Variants in RSRP1 observed in about 807,000 individuals in gnomAD.
RSRP1 encodes the protein arginine/serine-rich protein 1.
In RSRP1, 37 loss-of-function variants were observed where a neutral mutation model predicts 33.0. That is an observed-to-expected ratio of 1.12 (90% CI 0.86 to 1.48). The LOEUF (loss-of-function observed/expected upper bound fraction) is 1.48, where lower values mean the gene tolerates loss of function less well. Ranked by LOEUF, RSRP1 falls within the 40% of genes most tolerant of loss-of-function variation. The pLI is 0.00. For synonymous variants in RSRP1, 167 were observed against 158.7 expected, an observed-to-expected ratio of 1.05 and a Z score of -0.40; for missense variants, 402 against 385.3, an observed-to-expected ratio of 1.04 and a Z score of -0.36.
rs200048219 is a variant in RSRP1, at chr1:25,301,522, G to A, written c.-67+36456C>T. The A allele has an allele frequency of 4.5e-5, 62 of 1,377,970 alleles. 21 individuals carry two copies. Among genetic ancestry groups the A allele is most frequent in the Non-Finnish European group, 5.8e-5 (57 of 978,522 alleles). The allele number at this position is 1,377,970 out of a possible 1,614,324, so 85.4% of individuals were successfully genotyped here. ...CAACCACCCTCTCTGGCCCCCAGGC[G>A]CCCTCTTCTTGTGGATGTTCTGGCC... On this transcript the variant is annotated intron_variant, in intron 1 of 1. Coordinates refer to the RSRP1 transcript ENST00000561867.
rs991344044 is a variant in RSRP1 at position 25,273,095 on chromosome 1, T to C, written c.-66-26066A>G. On this transcript the variant is annotated intron_variant, in intron 1 of 1. Coordinates refer to the RSRP1 transcript ENST00000561867. Reference sequence around the variant, plus strand: ...ATCTTATGCAAGCAATTTCATGTTGTTGGGTTTTTGGTTTTTGTTTCCTTT... The same window carrying C: ...ATCTTATGCAAGCAATTTCATGTTGCTGGGTTTTTGGTTTTTGTTTCCTTT... Among the ~76,000 whole-genome samples, 2 of 131,012 alleles carry C rather than the reference T, an allele frequency of 1.5e-5. 1 individual carries two copies. Among genetic ancestry groups the C allele is most frequent in the African/African-American group, 5.2e-5 (2 of 38,336 alleles). The allele number at this position is 131,012 out of a possible 152,430, so 85.9% of individuals were successfully genotyped here. A position where few individuals can be genotyped will look rare whatever the true frequency, so the allele number is the denominator to read the frequency against.
rs1288623067 is a variant in RSRP1 at position 25,312,849 on chromosome 1, G to A, written c.-67+25129C>T. Reference sequence around the variant, plus strand: ...ACAGGAGGATTACTTGAGCCAAGGAGTTTGAGGCTGCAGTGAGCTATGATC... The same window carrying A: ...ACAGGAGGATTACTTGAGCCAAGGAATTTGAGGCTGCAGTGAGCTATGATC... On this transcript the variant is annotated intron_variant, in intron 1 of 1. Transcript: ENST00000561867. Among the ~76,000 whole-genome samples the A allele has an allele frequency of 6.6e-5, 7 of 106,064 alleles. 1 individual carries two copies. In the South Asian group the frequency reaches 1.5e-3, roughly 23 times the overall value. 69.6% of individuals were successfully genotyped at this position (106,064 alleles called of 152,430 possible). A position where few individuals can be genotyped will look rare whatever the true frequency, so the allele number is the denominator to read the frequency against.
Position 25,274,655 on chromosome 1 carries a change from A to G in RSRP1, c.-66-27626T>C, listed in dbSNP as rs1374353590. Among the ~76,000 whole-genome samples the G allele has an allele frequency of 1.5e-5, 2 of 133,406 alleles. 1 individual carries two copies. The highest frequency in any genetic ancestry group is 3.6e-5 in the Non-Finnish European group (2 of 56,124). The allele number at this position is 133,406 out of a possible 152,430, so 87.5% of individuals were successfully genotyped here. On this transcript the variant is annotated intron_variant, in intron 1 of 1. Transcript: ENST00000561867. The stretch of plus-strand genomic sequence containing the variant: ...GGGCACAGTGGGTGCCATGGCGTGC[A>G]CACACAATAGAGCAGACTGAGCCTG...
At chr1:25,270,259 C>G (rs1385110622) in intron 1 of RSRP1, among the ~76,000 whole-genome samples, 2 of 130,334 alleles carry the variant, frequency 1.5e-5, no homozygotes, top group East Asian at 2.0e-4. Context: ...CTTAGAAGCC[C>G]ATGTTCCTAG....
At chr1:25,276,741 G>T (rs1258712715) in intron 1 of RSRP1, among the ~76,000 whole-genome samples, 5 of 129,348 alleles carry the variant, frequency 3.9e-5, no homozygotes, top group Admixed American at 3.8e-4. Flanking sequence ...TTGAGGTGAA[G>T]CGAGGCTGTA....
chr1:25,276,525 C>A (rs1461896088), intron 1 of RSRP1, among the ~76,000 whole-genome samples: 1 of 50,630 alleles, frequency 2.0e-5, no homozygotes, highest in African/African-American at 8.3e-5. Flanking sequence ...AGACCCCCCC[C>A]CATCTCTAAA....
chr1:25,300,691 C>A lies in RSRP1; in HGVS notation c.-67+37287G>T, dbSNP rs1198823100. Reference sequence around the variant, plus strand: ...CAGCGTAGTGGCGCATGCCTGTAATCCCAGCTACTAGGGAAGCTGAGGCAG... The same window carrying A: ...CAGCGTAGTGGCGCATGCCTGTAATACCAGCTACTAGGGAAGCTGAGGCAG... On this transcript the variant is annotated intron_variant, in intron 1 of 1. Transcript: ENST00000561867. 1.5e-5 allele frequency among the ~76,000 whole-genome samples: 2 copies of A among 131,494 alleles called. 1 individual carries two copies. Among genetic ancestry groups the A allele is most frequent in the Non-Finnish European group, 3.6e-5 (2 of 55,762 alleles). The allele number at this position is 131,494 out of a possible 152,430, so 86.3% of individuals were successfully genotyped here.
rs1372176546 is a variant in RSRP1 at position 25,290,848 on chromosome 1, G to C, written c.-66-43819C>G. On this transcript the variant is annotated intron_variant, in intron 1 of 1. Coordinates refer to the RSRP1 transcript ENST00000561867. ...GAGAAAAGGGCCAAAAGCTCCATTT[G>C]GTGGGGTTTCCAGGGTTTTGAAAAA... The C allele has an allele frequency of 6.7e-6, 9 of 1,352,578 alleles. 3 individuals carry two copies. The highest frequency in any genetic ancestry group is 9.4e-6 in the Non-Finnish European group (9 of 955,868). 83.8% of individuals were successfully genotyped at this position (1,352,578 alleles called of 1,614,324 possible).
At chr1:25,330,994 C>T (rs1320079367) in intron 1 of RSRP1, among the ~76,000 whole-genome samples, 2 of 89,916 alleles carry the variant, frequency 2.2e-5, no homozygotes, top group South Asian at 3.8e-4. Flanking sequence ...GACAGAGTCT[C>T]GCTCTATCGC....
intron 1 of RSRP1, among the ~76,000 whole-genome samples, chr1:25,310,552 A>C (rs1644088061): frequency 7.6e-6 from 1 of 131,762 alleles, no homozygotes; most frequent in African/African-American, 2.6e-5. Context: ...AAAGAAAATT[A>C]ATGCAAGAAG....
intron 1 of RSRP1, among the ~76,000 whole-genome samples, chr1:25,270,373 C>A (rs1286695426): frequency 7.7e-6 from 1 of 130,494 alleles, no homozygotes; most frequent in Admixed American, 7.4e-5. Context: ...GAGGGATAGG[C>A]CAGCGAGCAC....
Position 25,314,139 on chromosome 1 carries a change from G to C in RSRP1, c.-67+23839C>G, listed in dbSNP as rs1644305121. The stretch of plus-strand genomic sequence containing the variant: ...TGTTGAATTATACAGTATTCACACA[G>C]TCAGCTTTAGTGGCTACTGCTAAAC... On this transcript the variant is annotated intron_variant, in intron 1 of 1. Coordinates refer to the RSRP1 transcript ENST00000561867. Among the ~76,000 whole-genome samples, 4 of 133,034 alleles carry C rather than the reference G, an allele frequency of 3.0e-5. 2 individuals carry two copies. The South Asian group carries it at 9.1e-4, about 30-fold the overall frequency. The allele number at this position is 133,034 out of a possible 152,430, so 87.3% of individuals were successfully genotyped here. A position where few individuals can be genotyped will look rare whatever the true frequency, so the allele number is the denominator to read the frequency against.
rs1180216042 is a variant in RSRP1 at position 25,292,952 on chromosome 1, C to A, written c.-67+45026G>T. Among the ~76,000 whole-genome samples the A allele has an allele frequency of 1.7e-5, 2 of 121,064 alleles. 1 individual carries two copies. Among genetic ancestry groups the A allele is most frequent in the African/African-American group, 5.6e-5 (2 of 35,474 alleles). 79.4% of individuals were successfully genotyped at this position (121,064 alleles called of 152,430 possible). ...AGAGGCAGGAGGAAGCCCAGGAGAG[C>A]GTGAGGTCCTGGAAGGCAAGGAAAG... On this transcript the variant is annotated intron_variant, in intron 1 of 1. Transcript: ENST00000561867.
At position 25,301,051 on chromosome 1, in the gene RSRP1, A is replaced by G; in HGVS notation, c.-67+36927T>C. The G allele has an allele frequency of 1.5e-6, 2 of 1,377,090 alleles. 1 individual carries two copies. The highest frequency in any genetic ancestry group is 2.0e-6 in the Non-Finnish European group (2 of 978,506). 85.3% of individuals were successfully genotyped at this position (1,377,090 alleles called of 1,614,324 possible). A position where few individuals can be genotyped will look rare whatever the true frequency, so the allele number is the denominator to read the frequency against. On this transcript the variant is annotated intron_variant, in intron 1 of 1. Coordinates refer to the RSRP1 transcript ENST00000561867. Reference sequence around the variant, plus strand: ...GCCTCTACCCGAGGGAACGGAGGATAAAGATCAGACAGCAACGATACCCAG... The same window carrying G: ...GCCTCTACCCGAGGGAACGGAGGATGAAGATCAGACAGCAACGATACCCAG...
At position 25,242,411 on chromosome 1, in the gene RSRP1, T is replaced by A. The variant is rs551950428; in HGVS notation, c.*178A>T. On this transcript the variant is annotated 3_prime_UTR_variant, in exon 5 of 5. Transcript: ENST00000243189. ...TTTGGTCCATCTGTGCTATCTCTCA[T>A]ATCTGCAAGAGAAACCTAAAATGTT... The A allele has an allele frequency of 6.0e-6, 3 of 498,520 alleles. No homozygotes were observed. Among genetic ancestry groups the A allele is most frequent in the Admixed American group, 3.5e-5 (1 of 28,928 alleles). The allele number at this position is 498,520 out of a possible 1,614,324, so 30.9% of individuals were successfully genotyped here. A position where few individuals can be genotyped will look rare whatever the true frequency, so the allele number is the denominator to read the frequency against.
Position 25,301,049 on chromosome 1 carries a change from A to C in RSRP1, c.-67+36929T>G, listed in dbSNP as rs1465713698. 7.3e-7 allele frequency: 1 copy of C among 1,376,994 alleles called. No homozygotes were observed. Among genetic ancestry groups the C allele is most frequent in the African/African-American group, 1.4e-5 (1 of 69,392 alleles). 85.3% of individuals were successfully genotyped at this position (1,376,994 alleles called of 1,614,324 possible). ...AAGCCTCTACCCGAGGGAACGGAGGATAAAGATCAGACAGCAACGATACCC... is the reference window on the plus strand; with the variant it reads ...AAGCCTCTACCCGAGGGAACGGAGGCTAAAGATCAGACAGCAACGATACCC... On this transcript the variant is annotated intron_variant, in intron 1 of 1. Coordinates refer to the RSRP1 transcript ENST00000561867.
chr1:25,276,352 C>G (rs1640954438), intron 1 of RSRP1, among the ~76,000 whole-genome samples: 1 of 124,334 alleles, frequency 8.0e-6, no homozygotes. Context: ...GAGATGGGCA[C>G]GTAGGGTCAT....
At chr1:25,272,447 G>A in intron 1 of RSRP1, 2 of 1,351,134 alleles carry the variant, frequency 1.5e-6, no homozygotes, top group East Asian at 2.4e-5. Flanking sequence ...AAGGCCTTTG[G>A]CGGGTGTCTC....
chr1:25,288,217 T>C (rs1442368600), intron 1 of RSRP1, among the ~76,000 whole-genome samples: 1 of 131,050 alleles, frequency 7.6e-6, no homozygotes, highest in Admixed American at 7.4e-5. Context: ...AGGACCTCAC[T>C]GTGTTGCTCA....
Sources: gnomAD v4.1 joint callset for allele counts (sites outside exome capture counted in the v4.1 genomes callset) on GRCh38, gnomAD v4.1.1 for gene constraint, MANE v1.5 for transcripts, NCBI Gene and HGNC (gene_info 2026-07-23, HGNC 2026-07-21) for gene names.